Variants in SLC35E3 observed in about 807,000 individuals in gnomAD.
The protein encoded by SLC35E3 is solute carrier family 35 member E3, also known as bladder cancer-overexpressed gene 1 protein.
Under a neutral mutation model 30.8 loss-of-function variants are expected in SLC35E3, and 28 were observed. The ratio of observed to expected loss-of-function variants is 0.91; its 90% CI spans 0.67 to 1.25. SLC35E3 has a LOEUF of 1.25. Ranked by LOEUF, SLC35E3 falls within the 50% of genes most tolerant of loss-of-function variation. The pLI is 0.00. For missense variants in SLC35E3, 365 were observed against 375.4 expected (o/e 0.97, Z 0.23); for synonymous variants, 146 against 149.2 (o/e 0.98, Z 0.16).
chr12:68,759,263 A>C, intron 4 of SLC35E3, 24 bp downstream of exon 4: 2 of 1,543,978 alleles, frequency 1.3e-6, no homozygotes, highest in Non-Finnish European at 1.8e-6. Context: ...ATAACTTAGA[A>C]ATGCATCGTC....
intron 3 of SLC35E3, among the ~76,000 whole-genome samples, chr12:68,758,792 A>G (rs1592541471): frequency 9.2e-6 from 1 of 108,738 alleles, no homozygotes; most frequent in East Asian, 3.2e-4. Context: ...CCCAGGCTGG[A>G]GTGCAGTGGC....
intron 2 of SLC35E3, among the ~76,000 whole-genome samples, chr12:68,750,907 A>G (rs1247213345): frequency 6.6e-6 from 1 of 152,192 alleles, no homozygotes; most frequent in East Asian, 1.9e-4. Flanking sequence ...CTACAGGAAC[A>G]AGAAGTATGT....
At chr12:68,754,282 G>T (rs1878920888) in intron 3 of SLC35E3, among the ~76,000 whole-genome samples, 1 of 151,176 alleles carries the variant, frequency 6.6e-6, no homozygotes, top group Admixed American at 6.6e-5. Flanking sequence ...TGTTGTTTTT[G>T]TTTTGTTTTG....
rs988606364 is a variant in SLC35E3 at position 68,778,687 on chromosome 12, G to A, written c.*13797G>A. On this transcript the variant is annotated 3_prime_UTR_variant, in exon 5 of 5. Transcript: ENST00000398004. ...TGCCTATAATCCCAGCTACTTGGGAGGCTGAGGCAGGAGAATTGCTTGAAC... is the reference window on the plus strand; with the variant it reads ...TGCCTATAATCCCAGCTACTTGGGAAGCTGAGGCAGGAGAATTGCTTGAAC... 6.6e-6 allele frequency: 1 copy of A among 152,220 alleles called. No individual in the cohort carries two copies. Among genetic ancestry groups the A allele is most frequent in the African/African-American group, 2.4e-5 (1 of 41,380 alleles). The allele number at this position is 152,220 out of a possible 1,614,324, so 9.4% of individuals were successfully genotyped here.
At chr12:68,746,813 C>T (rs1263037062) in intron 1 of SLC35E3, 34 bp downstream of exon 1, 1 of 1,534,584 alleles carries the variant, frequency 6.5e-7, no homozygotes. Context: ...GCGCCGCTCT[C>T]CCGACCCACC....
Position 68,746,596 on chromosome 12 carries a change from G to T in SLC35E3, c.219G>T (p.Pro73=). ...KLDIFAPKSL[P]PSRLLLLALS... is the part of the protein sequence containing the mutation. ...ACATCTTTGCCCCCAAAAGTCTGCCGCCCTCCAGGCTCCTCCTCCTGGCCC... is the reference window on the plus strand; with the variant it reads ...ACATCTTTGCCCCCAAAAGTCTGCCTCCCTCCAGGCTCCTCCTCCTGGCCC... The change falls in exon 1 of 5, where the codon CCG becomes CCT. Residue 73 remains proline (P), a synonymous_variant. Coordinates refer to ENST00000398004, the MANE Select transcript of SLC35E3 (RefSeq NM_018656.5). 1 of 1,614,198 alleles carries T rather than the reference G, an allele frequency of 6.2e-7. No homozygotes were observed. Among genetic ancestry groups the T allele is most frequent in the Non-Finnish European group, 8.5e-7 (1 of 1,180,040 alleles).
rs748130682 is a variant in SLC35E3, at chr12:68,765,469, C to A, written c.*579C>A. 2.0e-5 allele frequency: 3 copies of A among 151,536 alleles called. No individual in the cohort carries two copies. The highest frequency in any genetic ancestry group is 2.9e-5 in the Non-Finnish European group (2 of 68,012). The allele number at this position is 151,536 out of a possible 1,614,324, so 9.4% of individuals were successfully genotyped here. On this transcript the variant is annotated 3_prime_UTR_variant, in exon 5 of 5. Coordinates refer to ENST00000398004, the MANE Select transcript of SLC35E3 (RefSeq NM_018656.5). Reference sequence around the variant, plus strand: ...TGGTGTGGTGGTGCACACCTGTAATCCCAGCTACTTGGGAGACTGAGACAT... The same window carrying A: ...TGGTGTGGTGGTGCACACCTGTAATACCAGCTACTTGGGAGACTGAGACAT...
rs1878559323 is a variant in SLC35E3, at chr12:68,746,409, A to G, written c.32A>G (p.His11Arg). Reference sequence around the variant, plus strand: ...TTGCTGGTGGACCGAGTGCGGGGCCACTGGCGAATCGCCGCCGGGCTCCTG... The same window carrying G: ...TTGCTGGTGGACCGAGTGCGGGGCCGCTGGCGAATCGCCGCCGGGCTCCTG... MALLVDRVRG[H>R]WRIAAGLLFN... The change falls in exon 1 of 5, where the codon CAC (histidine) becomes CGC (arginine). Residue 11 changes from histidine to arginine, a missense_variant. His to Arg is a conservative substitution (Grantham distance 29). Transcript: ENST00000398004. 1 of 1,607,352 alleles carries G rather than the reference A, an allele frequency of 6.2e-7. No homozygotes were observed. Among genetic ancestry groups the G allele is most frequent in the Non-Finnish European group, 8.5e-7 (1 of 1,175,998 alleles).
intron 4 of SLC35E3, among the ~76,000 whole-genome samples, chr12:68,761,165 C>T (rs1029069524): frequency 1.3e-5 from 2 of 152,102 alleles, no homozygotes; most frequent in African/African-American, 4.8e-5. Flanking sequence ...TTGAGTAGGG[C>T]GTTTATGTAA....
intron 3 of SLC35E3, among the ~76,000 whole-genome samples, chr12:68,756,112 A>C (rs1206502359): frequency 1.3e-5 from 2 of 152,058 alleles, no homozygotes; most frequent in Non-Finnish European, 2.9e-5. Flanking sequence ...TACCATATAC[A>C]CTTTTTTTCT....
rs1879338568 is a variant in SLC35E3 at position 68,764,924 on chromosome 12, A to G, written c.*34A>G. 1.9e-6 allele frequency: 3 copies of G among 1,595,394 alleles called. No homozygotes were observed. The highest frequency in any genetic ancestry group is 1.1e-5 in the South Asian group (1 of 88,812). The stretch of plus-strand genomic sequence containing the variant: ...TTGTGGAGAAAAGAATGTTGTCCCA[A>G]GAAGATAAAAAATATTGTTAAGTGT... On this transcript the variant is annotated 3_prime_UTR_variant, in exon 5 of 5. Coordinates refer to ENST00000398004, the MANE Select transcript of SLC35E3 (RefSeq NM_018656.5).
chr12:68,758,729 C>CTTTTT lies in SLC35E3; in HGVS notation c.673-402_673-398dup, dbSNP rs776771224. Reference sequence around the variant, plus strand: ...TGTCTCCCAACCCCAAATTCTCTTTCTTTTTTTTTTTTTTTTTTTTTTTTT... The same window carrying CTTTTT: ...TGTCTCCCAACCCCAAATTCTCTTTCTTTTTTTTTTTTTTTTTTTTTTTTTTTTTT... On this transcript the variant is annotated intron_variant, in intron 3 of 4. Coordinates refer to ENST00000398004, the MANE Select transcript of SLC35E3 (RefSeq NM_018656.5). Among the ~76,000 whole-genome samples, 175 of 48,434 alleles carry CTTTTT rather than the reference C, an allele frequency of 3.6e-3. 6 individuals carry two copies. The highest frequency in any genetic ancestry group is 4.9e-3 in the East Asian group (6 of 1,218). 31.8% of individuals were successfully genotyped at this position (48,434 alleles called of 152,430 possible). A position where few individuals can be genotyped will look rare whatever the true frequency, so the allele number is the denominator to read the frequency against.
chr12:68,747,084 C>T (rs1160950311), intron 1 of SLC35E3, among the ~76,000 whole-genome samples: 1 of 152,122 alleles, frequency 6.6e-6, no homozygotes, highest in Non-Finnish European at 1.5e-5. Context: ...TCTGCAAAAG[C>T]TCAAACAAAA....
intron 3 of SLC35E3, 96 bp downstream of exon 3, chr12:68,752,286 C>G: frequency 8.8e-7 from 1 of 1,132,692 alleles, no homozygotes; most frequent in Non-Finnish European, 1.2e-6. Flanking sequence ...ATGTCCGATC[C>G]ATTCTCACAT....
rs567124376 is a variant in SLC35E3 at position 68,775,266 on chromosome 12, A to C, written c.*10376A>C. On this transcript the variant is annotated 3_prime_UTR_variant, in exon 5 of 5. Coordinates refer to ENST00000398004, the MANE Select transcript of SLC35E3 (RefSeq NM_018656.5). ...CGGACTTTGGAACTCAGGAAGCAAC[A>C]ACTAAGCGTACTCGTTGTCTTAGTC... The C allele has an allele frequency of 2.9e-4, 44 of 152,350 alleles. No individual in the cohort carries two copies. Among genetic ancestry groups the C allele is most frequent in the African/African-American group, 1.0e-3 (42 of 41,586 alleles). The allele number at this position is 152,350 out of a possible 1,614,324, so 9.4% of individuals were successfully genotyped here.
intron 2 of SLC35E3, 47 bp from the exon 3 acceptor site, chr12:68,751,985 G>C (rs1878813798): frequency 6.6e-7 from 1 of 1,522,834 alleles, no homozygotes. Context: ...TTGATTATGT[G>C]ATACTATTTC....
intron 3 of SLC35E3, among the ~76,000 whole-genome samples, chr12:68,754,441 G>A (rs1592537776): frequency 1.3e-5 from 2 of 151,992 alleles, no homozygotes; most frequent in East Asian, 3.9e-4. Flanking sequence ...GCGCCACCAT[G>A]CCTGGCTAAT....
At chr12:68,755,903 C>T (rs1341223852) in intron 3 of SLC35E3, among the ~76,000 whole-genome samples, 1 of 152,110 alleles carries the variant, frequency 6.6e-6, no homozygotes, top group Non-Finnish European at 1.5e-5. Flanking sequence ...AACAAACATC[C>T]AAACTATATT....
At chr12:68,755,568 C>T (rs1878968638) in intron 3 of SLC35E3, among the ~76,000 whole-genome samples, 2 of 152,120 alleles carry the variant, frequency 1.3e-5, no homozygotes, top group African/African-American at 4.8e-5. Context: ...TTTATTTTGG[C>T]TTATGGTTCT....
Sources: allele counts gnomAD v4.1 joint callset (sites outside exome capture counted in the v4.1 genomes callset), GRCh38; gene constraint gnomAD v4.1.1; transcripts MANE v1.5; gene names NCBI Gene and HGNC (gene_info 2026-07-23, HGNC 2026-07-21).